HRK: variants seen among roughly 807,000 people sequenced by gnomAD.
HRK encodes activator of apoptosis harakiri.
Under a neutral mutation model 5.9 loss-of-function variants are expected in HRK, and 6 were observed. The observed-to-expected ratio is 1.02, with a 90% CI of 0.56 to 2.01. The LOEUF is 2.01. HRK is among the 30% of genes most tolerant of loss of function. HRK has a pLI of 0.00. For missense variants in HRK, 133 were observed against 128.3 expected (o/e 1.04, Z -0.18); for synonymous variants, 85 against 65.1 (o/e 1.31, Z -1.47).
chr12:116,865,661 A>G (rs1267989068), intron 1 of HRK, among the ~76,000 whole-genome samples: 1 of 152,322 alleles, frequency 6.6e-6, no homozygotes, highest in East Asian at 1.9e-4. Context: ...CCAACCCTTA[A>G]GCCCCACTCC....
chr12:116,865,818 G>A (rs1016145573), intron 1 of HRK, among the ~76,000 whole-genome samples: 5 of 152,144 alleles, frequency 3.3e-5, no homozygotes, highest in East Asian at 3.9e-4. Flanking sequence ...TATACTAGGC[G>A]CTCAATTCAT....
At chr12:116,870,628 C>A (rs979442457) in intron 1 of HRK, among the ~76,000 whole-genome samples, 2 of 152,116 alleles carry the variant, frequency 1.3e-5, no homozygotes, top group Admixed American at 1.3e-4. Flanking sequence ...GACTGGGCAA[C>A]ATAGCGAGAC....
intron 1 of HRK, among the ~76,000 whole-genome samples, chr12:116,864,990 T>C (rs1405921746): frequency 6.6e-6 from 1 of 152,098 alleles, no homozygotes; most frequent in Non-Finnish European, 1.5e-5. Context: ...GAAATACCTT[T>C]GAAAAAATGT....
intron 1 of HRK, among the ~76,000 whole-genome samples, chr12:116,871,559 C>T (rs1188308025): frequency 6.7e-6 from 1 of 150,130 alleles, no homozygotes. Context: ...CCACCTCGGC[C>T]TCCCAAAGTG....
chr12:116,872,970 A>T (rs559547308), intron 1 of HRK, among the ~76,000 whole-genome samples: 1 of 151,948 alleles, frequency 6.6e-6, no homozygotes, highest in Admixed American at 6.6e-5. Flanking sequence ...TCACATCACT[A>T]AAGGGTCAAA....
chr12:116,857,001 G>A lies in HRK; in HGVS notation c.*4522C>T, dbSNP rs535205489. 6.6e-5 allele frequency: 10 copies of A among 152,398 alleles called. No individual in the cohort carries two copies. The East Asian group carries it at 1.9e-3, about 29-fold the overall frequency. The allele number at this position is 152,398 out of a possible 1,614,324, so 9.4% of individuals were successfully genotyped here. A position where few individuals can be genotyped will look rare whatever the true frequency, so the allele number is the denominator to read the frequency against. On this transcript the variant is annotated 3_prime_UTR_variant, in exon 2 of 2. Transcript: ENST00000257572. ...TTATTGTGTAAAGCAGCAAGGACCA[G>A]TCTGTTCATGCTGGAAATGAGTCGA...
Position 116,878,256 on chromosome 12 carries a change from C to A in HRK, c.*56+2720G>T, listed in dbSNP as rs1441238042. Among the ~76,000 whole-genome samples the A allele has an allele frequency of 6.6e-6, 1 of 152,188 alleles. No individual in the cohort carries two copies. Among genetic ancestry groups the A allele is most frequent in the Non-Finnish European group, 1.5e-5 (1 of 68,042 alleles). ...TTGATTCTGCATATAGCGGAGCACA[C>A]CCTTTAAACCTATGGGAATTGAAAG... On this transcript the variant is annotated intron_variant, in intron 1 of 1. Transcript: ENST00000257572. The surrounding 1 kb of genome is among the most constrained non-coding windows in gnomAD (Gnocchi z 4.4).
chr12:116,878,741 C>T lies in HRK; in HGVS notation c.*56+2235G>A, dbSNP rs1879029678. On this transcript the variant is annotated intron_variant, in intron 1 of 1. Coordinates refer to ENST00000257572, the MANE Select transcript of HRK (RefSeq NM_003806.4). This position sits in a 1 kb window ranked among gnomAD's most constrained non-coding sequence, Gnocchi z 4.4. ...TGCAGAACCCTGGAGGGTGTGGCTG[C>T]AGGGGACGCCCGGGCGGGACAAGGC... Among the ~76,000 whole-genome samples, 1 of 152,174 alleles carries T rather than the reference C, an allele frequency of 6.6e-6. No homozygotes were observed. The highest frequency in any genetic ancestry group is 2.1e-4 in the South Asian group (1 of 4,830).
chr12:116,867,787 A>G (rs1406643215), intron 1 of HRK: 1 of 152,160 alleles, frequency 6.6e-6, no homozygotes, highest in Non-Finnish European at 1.5e-5. Context: ...GAAGATCTCA[A>G]CCACCTATTT....
Position 116,859,358 on chromosome 12 carries a change from T to C in HRK, c.*2165A>G, listed in dbSNP as rs1878273009. 2 of 152,150 alleles carry C rather than the reference T, an allele frequency of 1.3e-5. No homozygotes were observed. The highest frequency in any genetic ancestry group is 6.8e-3 in the Middle Eastern group (2 of 294). The allele number at this position is 152,150 out of a possible 1,614,324, so 9.4% of individuals were successfully genotyped here. A position where few individuals can be genotyped will look rare whatever the true frequency, so the allele number is the denominator to read the frequency against. ...ACAGCCTTAAAGAAGCAGAGAACTGTGATTGGATACAGCTGTGTAGTAATG... is the reference window on the plus strand; with the variant it reads ...ACAGCCTTAAAGAAGCAGAGAACTGCGATTGGATACAGCTGTGTAGTAATG... On this transcript the variant is annotated 3_prime_UTR_variant, in exon 2 of 2. Coordinates refer to ENST00000257572, the MANE Select transcript of HRK (RefSeq NM_003806.4).
At chr12:116,874,519 T>C (rs957399649) in intron 1 of HRK, among the ~76,000 whole-genome samples, 10 of 152,126 alleles carry the variant, frequency 6.6e-5, no homozygotes, top group African/African-American at 9.7e-5. Context: ...CTGTGTTAGA[T>C]TGCATAATCC....
At position 116,881,202 on chromosome 12, in the gene HRK, G is replaced by A; in HGVS notation, c.106C>T (p.Arg36Trp). 2.6e-6 allele frequency: 3 copies of A among 1,136,650 alleles called. No individual in the cohort carries two copies. Among genetic ancestry groups the A allele is most frequent in the Non-Finnish European group, 3.2e-6 (3 of 928,356 alleles). The allele number at this position is 1,136,650 out of a possible 1,614,324, so 70.4% of individuals were successfully genotyped here. A position where few individuals can be genotyped will look rare whatever the true frequency, so the allele number is the denominator to read the frequency against. The change falls in exon 1 of 2, where the codon CGG becomes TGG. Residue 36 changes from arginine to tryptophan, a missense_variant. Coordinates refer to ENST00000257572, the MANE Select transcript of HRK (RefSeq NM_003806.4). ...RSSAAQLTAARLKALGDELHQ... is the reference protein window; with the variant it reads ...RSSAAQLTAAWLKALGDELHQ... ...AGCTCGTCGCCTAGCGCCTTGAGCCGGGCGGCGGTGAGCTGCGCGGCGGAC... is the reference window on the plus strand; with the variant it reads ...AGCTCGTCGCCTAGCGCCTTGAGCCAGGCGGCGGTGAGCTGCGCGGCGGAC...
intron 1 of HRK, 33 bp downstream of exon 1, chr12:116,880,943 C>G: frequency 9.5e-7 from 1 of 1,048,728 alleles, no homozygotes; most frequent in Non-Finnish European, 1.2e-6. Context: ...GCCCAGCTGC[C>G]GCGCCCCGGC....
chr12:116,865,256 C>A (rs185876506), intron 1 of HRK, among the ~76,000 whole-genome samples: 12 of 152,152 alleles, frequency 7.9e-5, no homozygotes, highest in Admixed American at 2.6e-4. Flanking sequence ...TAAAAAAAAA[C>A]CTTGGCCGGG....
intron 1 of HRK, among the ~76,000 whole-genome samples, chr12:116,871,631 A>ATT (rs201026561): frequency 5.8e-5 from 8 of 138,656 alleles, no homozygotes; most frequent in African/African-American, 1.9e-4. Flanking sequence ...TATTATTATT[A>ATT]TTTTTTTTTT....
At position 116,880,074 on chromosome 12, in the gene HRK, A is replaced by G. The variant is rs550024602; in HGVS notation, c.*56+902T>C. 6.6e-5 allele frequency among the ~76,000 whole-genome samples: 10 copies of G among 152,168 alleles called. No individual in the cohort carries two copies. The South Asian group carries it at 2.1e-3, about 32-fold the overall frequency. Reference sequence around the variant, plus strand: ...TAGGGCACAATGATCCCCCCACCCCAAGAGCCTAGTACCTTCCTCCCACTG... The same window carrying G: ...TAGGGCACAATGATCCCCCCACCCCGAGAGCCTAGTACCTTCCTCCCACTG... On this transcript the variant is annotated intron_variant, in intron 1 of 1. Coordinates refer to ENST00000257572, the MANE Select transcript of HRK (RefSeq NM_003806.4).
chr12:116,872,644 G>A (rs1441664412), intron 1 of HRK, among the ~76,000 whole-genome samples: 3 of 151,888 alleles, frequency 2.0e-5, no homozygotes, highest in African/African-American at 2.4e-5. Flanking sequence ...GTGTGGTGGC[G>A]TGCACCTGTA....
At chr12:116,865,484 G>T (rs992014500) in intron 1 of HRK, among the ~76,000 whole-genome samples, 1 of 152,142 alleles carries the variant, frequency 6.6e-6, no homozygotes, top group Non-Finnish European at 1.5e-5. Context: ...CTGAGATCAT[G>T]CCTCTGCACT....
chr12:116,867,404 A>C (rs1162042065), intron 1 of HRK, among the ~76,000 whole-genome samples: 1 of 152,042 alleles, frequency 6.6e-6, no homozygotes, highest in African/African-American at 2.4e-5. Context: ...TTGGCCTCCC[A>C]AAGTGCTGGG....
Sources: allele counts gnomAD v4.1 joint callset (sites outside exome capture counted in the v4.1 genomes callset), GRCh38; gene constraint gnomAD v4.1.1; non-coding constraint Gnocchi (gnomAD v3.1); transcripts MANE v1.5; gene names NCBI Gene and HGNC (gene_info 2026-07-23, HGNC 2026-07-21).